Variants in KDM4C observed in about 807,000 individuals in gnomAD.
KDM4C encodes the protein lysine demethylase 4C.
In KDM4C, 81 loss-of-function variants were observed where a neutral mutation model predicts 129.3. The ratio of observed to expected loss-of-function variants is 0.63; its 90% CI spans 0.52 to 0.75. The LOEUF (loss-of-function observed/expected upper bound fraction) is 0.75, where lower values mean the gene tolerates loss of function less well. Among genes scored for constraint, KDM4C ranks in the 30% least tolerant of loss-of-function variants. The pLI, the probability that KDM4C is intolerant of heterozygous loss-of-function variation, is 0.00. For missense variants in KDM4C, 1,457 were observed against 1,304.0 expected, an observed-to-expected ratio of 1.12 and a Z score of -1.81; for synonymous variants, 573 against 456.1, an observed-to-expected ratio of 1.26 and a Z score of -3.26.
chr9:7,089,357 T>C (rs73407460), intron 17 of KDM4C, among the ~76,000 whole-genome samples: 6,013 of 152,272 alleles, frequency 0.039, 350 homozygotes, highest in African/African-American at 0.13. Flanking sequence ...GGCATTTTCA[T>C]CTTTTGCAGC....
intron 4 of KDM4C, among the ~76,000 whole-genome samples, chr9:6,824,907 G>T (rs1178175720): frequency 6.6e-6 from 1 of 152,016 alleles, no homozygotes; most frequent in Non-Finnish European, 1.5e-5. Flanking sequence ...ACTTGGGGAG[G>T]CCGAGGCGGG....
chr9:6,948,057 T>G (rs1403905812), intron 8 of KDM4C: 1 of 152,248 alleles, frequency 6.6e-6, no homozygotes, highest in African/African-American at 2.4e-5. Context: ...TGTGTGTCAC[T>G]TTATTCACTT....
At chr9:7,043,693 T>TTC (rs1554714367) in intron 15 of KDM4C, among the ~76,000 whole-genome samples, 1 of 151,954 alleles carries the variant, frequency 6.6e-6, no homozygotes, top group Non-Finnish European at 1.5e-5. Flanking sequence ...CTTTTTTTTT[T>TTC]TCAAAATTGG....
At chr9:7,053,628 A>AT (rs1830506753) in intron 17 of KDM4C, among the ~76,000 whole-genome samples, 1 of 152,240 alleles carries the variant, frequency 6.6e-6, no homozygotes. Context: ...TCTGTGTCCA[A>AT]TTTTAAATAC....
intron 17 of KDM4C, among the ~76,000 whole-genome samples, chr9:7,097,750 T>C (rs574540756): frequency 6.6e-6 from 1 of 152,270 alleles, no homozygotes; most frequent in African/African-American, 2.4e-5. Flanking sequence ...GTAAAGCTTT[T>C]GTTATAGCTG....
At chr9:7,107,187 C>T (rs1468327056) in intron 18 of KDM4C, among the ~76,000 whole-genome samples, 4 of 152,206 alleles carry the variant, frequency 2.6e-5, no homozygotes, top group Non-Finnish European at 5.9e-5. Flanking sequence ...TGCCATGATT[C>T]ATTATAACCT....
intron 8 of KDM4C, among the ~76,000 whole-genome samples, chr9:6,934,288 T>C (rs960714614): frequency 6.6e-6 from 1 of 151,780 alleles, no homozygotes; most frequent in African/African-American, 2.4e-5. Flanking sequence ...GAGACTATCC[T>C]GGCTAACATG....
intron 17 of KDM4C, among the ~76,000 whole-genome samples, chr9:7,064,025 A>G (rs965988881): frequency 1.2e-4 from 19 of 152,352 alleles, no homozygotes; most frequent in African/African-American, 4.3e-4. Flanking sequence ...GGAATGTGTC[A>G]GTGTTACTGA....
intron 15 of KDM4C, among the ~76,000 whole-genome samples, chr9:7,045,217 C>T (rs548987805): frequency 1.6e-4 from 25 of 152,078 alleles, no homozygotes; most frequent in Admixed American, 3.9e-4. Flanking sequence ...CATGCTGCTG[C>T]GCTGTATTTG....
intron 18 of KDM4C, 126 bp from the exon 19 acceptor site, chr9:7,127,940 A>T: frequency 2.4e-6 from 2 of 849,446 alleles, no homozygotes; most frequent in Non-Finnish European, 3.3e-6. Context: ...ATATTAAGTT[A>T]AAAATTTTTT....
At chr9:7,014,365 G>T (rs1823255981) in intron 14 of KDM4C, 2 of 167,880 alleles carry the variant, frequency 1.2e-5, no homozygotes, top group East Asian at 3.2e-4. Context: ...GCTTTTCTTT[G>T]TGACTTTTAA....
rs1291117786 is a variant in KDM4C, at chr9:6,816,850, C to T, written c.435+2105C>T. Among the ~76,000 whole-genome samples the T allele has an allele frequency of 2.7e-5, 4 of 146,076 alleles. No individual in the cohort carries two copies. The South Asian group carries it at 6.4e-4, about 24-fold the overall frequency. ...TCTTTTTTGTCATGCTTTTCTTTTT[C>T]TTTTTTTTTTGGCTTAAGTTCCCTT... On this transcript the variant is annotated intron_variant, in intron 4 of 21. Transcript: ENST00000381309.
chr9:6,968,328 A>G (rs1385176142), intron 8 of KDM4C, among the ~76,000 whole-genome samples: 3 of 152,178 alleles, frequency 2.0e-5, no homozygotes, highest in Non-Finnish European at 4.4e-5. Flanking sequence ...GTTATTTTTA[A>G]TAAATGAAGA....
At chr9:6,820,255 A>T (rs1832791594) in intron 4 of KDM4C, among the ~76,000 whole-genome samples, 1 of 152,166 alleles carries the variant, frequency 6.6e-6, no homozygotes, top group Non-Finnish European at 1.5e-5. Context: ...CTTGGCTTTG[A>T]TGACTAAGTT....
At chr9:6,747,927 C>A (rs545097767) in intron 1 of KDM4C, among the ~76,000 whole-genome samples, 5 of 152,296 alleles carry the variant, frequency 3.3e-5, no homozygotes, top group African/African-American at 1.2e-4. Context: ...CCTGTAATCC[C>A]AGCACTTTGG....
intron 8 of KDM4C, among the ~76,000 whole-genome samples, chr9:6,917,499 A>G (rs1010905087): frequency 6.6e-6 from 1 of 152,162 alleles, no homozygotes. Flanking sequence ...TCATCTGGCA[A>G]AAATCCCCAT....
chr9:6,990,544 T>G lies in KDM4C; in HGVS notation c.1786+20T>G, dbSNP rs768180723. On this transcript the variant is annotated intron_variant, in intron 12 of 21. Coordinates refer to ENST00000381309, the MANE Select transcript of KDM4C (RefSeq NM_015061.6). ...ATGAAGGTGAGATGGTGACCCTTTT[T>G]GGGATTTTTTTTTTTTTTTTTGGTG... The G allele has an allele frequency of 1.7e-5, 24 of 1,434,924 alleles. No homozygotes were observed. The highest frequency in any genetic ancestry group is 1.8e-4 in the Middle Eastern group (1 of 5,596). The allele number at this position is 1,434,924 out of a possible 1,614,324, so 88.9% of individuals were successfully genotyped here.
chr9:6,931,321 AAAT>A (rs1467592611), intron 8 of KDM4C, among the ~76,000 whole-genome samples: 17 of 152,244 alleles, frequency 1.1e-4, no homozygotes, highest in African/African-American at 4.1e-4. Context: ...GATACACAAT[AAAT>A]AAACTTGCTA....
At chr9:7,107,953 A>T (rs995848011) in intron 18 of KDM4C, among the ~76,000 whole-genome samples, 2 of 152,208 alleles carry the variant, frequency 1.3e-5, no homozygotes, top group Non-Finnish European at 2.9e-5. Flanking sequence ...ATCCGATGCT[A>T]GGGAGTGGGA....
Sources: allele counts gnomAD v4.1 joint callset (sites outside exome capture counted in the v4.1 genomes callset), GRCh38; gene constraint gnomAD v4.1.1; transcripts MANE v1.5; gene names NCBI Gene and HGNC (gene_info 2026-07-23, HGNC 2026-07-21).